Variants in SLC1A6 observed in about 807,000 individuals in gnomAD.
SLC1A6 encodes the protein solute carrier family 1 member 6.
Under a neutral mutation model 42.1 loss-of-function variants are expected in SLC1A6, and 15 were observed. The ratio of observed to expected loss-of-function variants is 0.36; its 90% CI spans 0.24 to 0.55. The LOEUF (loss-of-function observed/expected upper bound fraction) is 0.55. Among genes scored for constraint, SLC1A6 ranks in the 20% least tolerant of loss-of-function variants. The probability of loss-of-function intolerance (pLI) is 0.88; values close to 1 mark genes in which losing one functional copy is unlikely to be tolerated. For synonymous variants in SLC1A6, 317 were observed against 319.7 expected (o/e 0.99, Z 0.09); for missense variants, 542 against 772.5 (o/e 0.70, Z 3.54).
At chr19:14,964,881 C>A (rs2045556144) in intron 4 of SLC1A6, among the ~76,000 whole-genome samples, 1 of 152,172 alleles carries the variant, frequency 6.6e-6, no homozygotes, top group Admixed American at 6.5e-5. Context: ...AGATAACCAC[C>A]TTAACCCCAG....
chr19:14,996,588 C>A (rs1046170469), intron 1 of SLC1A6, among the ~76,000 whole-genome samples: 4 of 150,484 alleles, frequency 2.7e-5, no homozygotes, highest in African/African-American at 9.8e-5. Flanking sequence ...TCTTCTTCCT[C>A]TCATTGTACC....
At position 14,990,940 on chromosome 19, in the gene SLC1A6, T is replaced by C. The variant is rs548209085; in HGVS notation, c.7-18023A>G. Among the ~76,000 whole-genome samples the C allele has an allele frequency of 1.8e-4, 28 of 152,334 alleles. No homozygotes were observed. In the South Asian group the frequency reaches 2.5e-3, roughly 14 times the overall value. ...GAACTTTGGAAGGCAATGCACATAT[T>C]GATGAGCTAGATTTAGCCATTCCAC... On this transcript the variant is annotated intron_variant, in intron 1 of 8. Coordinates refer to the SLC1A6 transcript ENST00000430939.
chr19:14,964,710 A>G (rs2045553878), intron 4 of SLC1A6, among the ~76,000 whole-genome samples: 1 of 152,202 alleles, frequency 6.6e-6, no homozygotes, highest in Non-Finnish European at 1.5e-5. Context: ...ACTTTAATTC[A>G]AACACACATG....
intron 1 of SLC1A6, among the ~76,000 whole-genome samples, chr19:14,998,577 CA>C (rs1406088119): frequency 6.6e-6 from 1 of 151,900 alleles, no homozygotes; most frequent in African/African-American, 2.4e-5. Flanking sequence ...ACAACAACAA[CA>C]AAAAAAGCAG....
upstream of SLC1A6, among the ~76,000 whole-genome samples, chr19:14,980,843 G>A (rs1486582322): frequency 6.6e-6 from 1 of 151,984 alleles, no homozygotes; most frequent in Non-Finnish European, 1.5e-5. Context: ...GCTCAGAAAG[G>A]TTCAATAACT....
At chr19:14,957,712 A>T (rs1568285076) in intron 6 of SLC1A6, among the ~76,000 whole-genome samples, 1 of 152,270 alleles carries the variant, frequency 6.6e-6, no homozygotes, top group Non-Finnish European at 1.5e-5. Context: ...AGGTACACAT[A>T]GAAATGCACT....
chr19:14,983,768 G>A (rs1200992165), upstream of SLC1A6, among the ~76,000 whole-genome samples: 3 of 147,560 alleles, frequency 2.0e-5, no homozygotes, highest in East Asian at 2.0e-4. Context: ...AGGCTGTGAC[G>A]TGCCTTACAG....
intron 1 of SLC1A6, among the ~76,000 whole-genome samples, chr19:14,975,750 CAAAA>C (rs373107410): frequency 3.6e-5 from 4 of 111,356 alleles, no homozygotes; most frequent in African/African-American, 6.7e-5. Context: ...CAGACTTTGT[CAAAA>C]AAAAAAAAAA....
At chr19:14,981,902 C>A (rs1438240185), upstream of SLC1A6, among the ~76,000 whole-genome samples, 1 of 152,042 alleles carries the variant, frequency 6.6e-6, no homozygotes, top group Non-Finnish European at 1.5e-5. Context: ...GTGGCAGGTG[C>A]CTGTAGTCCC....
intron 1 of SLC1A6, among the ~76,000 whole-genome samples, chr19:14,991,804 C>T (rs1449596728): frequency 2.0e-5 from 3 of 151,222 alleles, no homozygotes; most frequent in Non-Finnish European, 1.5e-5. Flanking sequence ...TAAATCAAGA[C>T]AGGACCAAAG....
chr19:14,956,822 C>A (rs2045467280), intron 6 of SLC1A6, 113 bp from the exon 7 acceptor site: 2 of 646,008 alleles, frequency 3.1e-6, no homozygotes, highest in Admixed American at 2.9e-5. Context: ...ACACAATACC[C>A]ATGATACGGC....
chr19:14,954,541 G>C (rs1454989698), intron 7 of SLC1A6, among the ~76,000 whole-genome samples: 1 of 151,992 alleles, frequency 6.6e-6, no homozygotes, highest in African/African-American at 2.4e-5. Flanking sequence ...GGTGAGGCGG[G>C]GCTCAGAGCA....
intron 5 of SLC1A6, among the ~76,000 whole-genome samples, chr19:14,963,186 G>A (rs575277056): frequency 2.0e-5 from 3 of 152,302 alleles, no homozygotes; most frequent in Admixed American, 6.5e-5. Flanking sequence ...ACTGTGCTAC[G>A]TGAAATAAAC....
At chr19:15,008,773 C>T (rs2045908758) in intron 1 of SLC1A6, among the ~76,000 whole-genome samples, 1 of 151,590 alleles carries the variant, frequency 6.6e-6, no homozygotes, top group South Asian at 2.1e-4. Flanking sequence ...TGCTTGAGTC[C>T]AAGAGTTTGA....
chr19:14,968,268 A>C, intron 4 of SLC1A6, 35 bp downstream of exon 4: 3 of 1,488,166 alleles, frequency 2.0e-6, no homozygotes, highest in Non-Finnish European at 2.8e-6. Flanking sequence ...CTCCTTTTTC[A>C]AATGTGTATA....
At chr19:14,952,265 C>G (rs1437091108) in intron 9 of SLC1A6, among the ~76,000 whole-genome samples, 1 of 84,452 alleles carries the variant, frequency 1.2e-5, no homozygotes, top group Non-Finnish European at 2.2e-5. Context: ...CACAGCAAAA[C>G]ATAATCTCAA....
chr19:14,969,953 CCT>C (rs908624707), intron 3 of SLC1A6, among the ~76,000 whole-genome samples: 4 of 150,536 alleles, frequency 2.7e-5, no homozygotes, highest in Admixed American at 6.6e-5. Context: ...CTGTGCCACC[CCT>C]GAGACAGCAA....
chr19:15,003,409 C>G (rs2045881385), intron 1 of SLC1A6, among the ~76,000 whole-genome samples: 1 of 152,166 alleles, frequency 6.6e-6, no homozygotes, highest in Admixed American at 6.5e-5. Context: ...CCTCTCCCAG[C>G]CTGGGGCTTC....
In SLC1A6 at chr19:15,008,359, G is replaced by T. The variant is rs75043124; in HGVS notation, c.6+2126C>A. Among the ~76,000 whole-genome samples, 1,049 of 151,640 alleles carry T rather than the reference G, an allele frequency of 6.9e-3. 18 individuals are homozygous for T. Among genetic ancestry groups the T allele is most frequent in the African/African-American group, 0.023 (955 of 41,312 alleles). ...GGCTCAGTCTCTTTAGAAAAAGAGA[G>T]ATATATATATACAGAATATCTATTA... On this transcript the variant is annotated intron_variant, in intron 1 of 8. Coordinates refer to the SLC1A6 transcript ENST00000430939.
Sources: allele counts gnomAD v4.1 joint callset (sites outside exome capture counted in the v4.1 genomes callset), GRCh38; gene constraint gnomAD v4.1.1; transcripts MANE v1.5; gene names NCBI Gene and HGNC (gene_info 2026-07-23, HGNC 2026-07-21).